The following AMOT variants were observed in gnomAD, a reference collection of about 807,000 sequenced individuals.
AMOT encodes the protein angiomotin.
AMOT carries 11 observed loss-of-function variants against 67.0 expected under a neutral mutation model. That is an observed-to-expected ratio of 0.16 (90% CI 0.10 to 0.27). The LOEUF (loss-of-function observed/expected upper bound fraction) is 0.27. Ranked by LOEUF, AMOT falls within the 10% of genes least tolerant of loss-of-function variation. The pLI, the probability that AMOT is intolerant of heterozygous loss-of-function variation, is 1.00. For synonymous variants in AMOT, 326 were observed against 321.4 expected (o/e 1.01, Z -0.15); for missense variants, 753 against 852.0 (o/e 0.88, Z 1.45).
chrX:112,783,502 G>C (rs1366187402), intron 10 of AMOT, among the ~76,000 whole-genome samples: 1 of 110,465 alleles, frequency 9.1e-6, no homozygotes, highest in Non-Finnish European at 1.9e-5. Context: ...CTAATAAATA[G>C]TGCCTTTGAG....
rs202085460 is a variant in AMOT at position 112,790,241 on chromosome X, C to T, written c.2117+351G>A. 2.1e-4 allele frequency among the ~76,000 whole-genome samples: 23 copies of T among 108,410 alleles called. No individual in the cohort carries two copies. In the East Asian group the frequency reaches 6.7e-3, roughly 32 times the overall value. The allele number at this position is 108,410 out of a possible 115,157, so 94.1% of individuals were successfully genotyped here. A position where few individuals can be genotyped will look rare whatever the true frequency, so the allele number is the denominator to read the frequency against. On this transcript the variant is annotated intron_variant, in intron 10 of 13. Transcript: ENST00000371959. The stretch of plus-strand genomic sequence containing the variant: ...CTGAGTGGTAGTTTCTCTGGAGGGG[C>T]TTTCACTCCGGTCCTGGGGCTAAAC...
At chrX:112,830,607 C>T (rs976285524) in intron 2 of AMOT, among the ~76,000 whole-genome samples, 5 of 112,155 alleles carry the variant, frequency 4.5e-5, no homozygotes, top group Middle Eastern at 4.2e-3. Flanking sequence ...CTCCCGCTCT[C>T]ATTTTTCCAC....
chrX:112,794,624 T>C (rs1933734119), intron 8 of AMOT, among the ~76,000 whole-genome samples: 2 of 112,183 alleles, frequency 1.8e-5, no homozygotes, highest in Non-Finnish European at 3.8e-5. Context: ...CTAGATCTTA[T>C]CTACGTGTAA....
chrX:112,781,979 C>T (rs1933195230), intron 11 of AMOT, among the ~76,000 whole-genome samples: 1 of 111,744 alleles, frequency 8.9e-6, no homozygotes, highest in African/African-American at 3.3e-5. Context: ...ACCTCTGCCT[C>T]CCAAGCTCAA....
chrX:112,829,488 G>C (rs1490705322), intron 2 of AMOT, among the ~76,000 whole-genome samples: 1 of 111,967 alleles, frequency 8.9e-6, no homozygotes, highest in African/African-American at 3.2e-5. Context: ...CTGCAGAACT[G>C]TGAGCCCATT....
At chrX:112,805,128 G>T (rs373470187) in intron 7 of AMOT, 36 bp from the exon 8 acceptor site, 5 of 1,207,182 alleles carry the variant, frequency 4.1e-6, no homozygotes, top group East Asian at 5.9e-5. Flanking sequence ...TGCCAGCCTG[G>T]AGCTAGCTCA....
chrX:112,820,773 C>T (rs893315647), intron 4 of AMOT, among the ~76,000 whole-genome samples: 37 of 111,409 alleles, frequency 3.3e-4, no homozygotes, highest in Admixed American at 5.7e-4. Flanking sequence ...CCAACCCCTC[C>T]CTGGGTCTTC....
At chrX:112,783,551 C>T (rs375695876) in intron 10 of AMOT, among the ~76,000 whole-genome samples, 16 of 111,417 alleles carry the variant, frequency 1.4e-4, no homozygotes, top group African/African-American at 5.2e-4. Context: ...ACATCTGAAA[C>T]ATTCTAGCAC....
intron 5 of AMOT, among the ~76,000 whole-genome samples, chrX:112,812,591 C>T (rs1379004641): frequency 8.9e-6 from 1 of 111,986 alleles, no homozygotes; most frequent in Non-Finnish European, 1.9e-5. Context: ...TAGTATAGCT[C>T]CATTGCACAT....
At chrX:112,787,816 A>T (rs1483090299) in intron 10 of AMOT, among the ~76,000 whole-genome samples, 1 of 111,943 alleles carries the variant, frequency 8.9e-6, no homozygotes, top group Non-Finnish European at 1.9e-5. Context: ...AACCAAGCAG[A>T]TCATTGAAAT....
At chrX:112,799,675 G>A (rs766259341) in intron 8 of AMOT, among the ~76,000 whole-genome samples, 10 of 111,752 alleles carry the variant, frequency 8.9e-5, no homozygotes, top group African/African-American at 2.9e-4. Context: ...TCTGTCCATT[G>A]CCAGTAGGCT....
At chrX:112,797,872 T>C (rs1278203840) in intron 8 of AMOT, among the ~76,000 whole-genome samples, 7 of 92,764 alleles carry the variant, frequency 7.5e-5, no homozygotes, top group African/African-American at 2.8e-4. Flanking sequence ...AGAAAAGAAA[T>C]AGAAAGAAAG....
chrX:112,808,972 T>C (rs1486715183), intron 7 of AMOT, among the ~76,000 whole-genome samples: 1 of 111,841 alleles, frequency 8.9e-6, no homozygotes, highest in East Asian at 2.8e-4. Flanking sequence ...GTATTGTAAG[T>C]GAAGATCAAA....
chrX:112,839,224 T>C (rs1185632356), intron 1 of AMOT, among the ~76,000 whole-genome samples: 1 of 112,447 alleles, frequency 8.9e-6, no homozygotes, highest in Admixed American at 9.4e-5. Context: ...ACTTGTCCAA[T>C]TGAAGATAGG....
At chrX:112,837,747 A>G (rs772135309) in intron 1 of AMOT, among the ~76,000 whole-genome samples, 2 of 111,884 alleles carry the variant, frequency 1.8e-5, no homozygotes, top group East Asian at 5.6e-4. Flanking sequence ...AAGTAAGACT[A>G]AAGACAACAC....
chrX:112,819,400 C>G, intron 4 of AMOT: 1 of 754,378 alleles, frequency 1.3e-6, no homozygotes. Context: ...CTGCAAATTC[C>G]TGATGGTTTC....
rs1315914176 is a variant in AMOT, at chrX:112,779,522, C to T, written c.2632G>A (p.Val878Ile). 5.0e-6 allele frequency: 6 copies of T among 1,211,375 alleles called. No homozygotes were observed. The highest frequency in any genetic ancestry group is 3.5e-5 in the South Asian group (2 of 56,896). ...GGAGCAGGAACAGAGATGGGAGCAA[C>T]AGCTGCAGTTTTGTTCGATTCCGTC... ...RGTESNKTAA[V>I]APISVPAPVA... is the part of the protein sequence containing the mutation. The change falls in exon 13 of 14, where the codon GTT becomes ATT. Residue 878 changes from valine (V) to isoleucine (I), a missense_variant. Coordinates refer to ENST00000371959, the MANE Select transcript of AMOT (RefSeq NM_001113490.2).
intron 10 of AMOT, among the ~76,000 whole-genome samples, chrX:112,789,323 C>T (rs757106515): frequency 2.7e-5 from 3 of 111,551 alleles, no homozygotes; most frequent in Non-Finnish European, 5.6e-5. Flanking sequence ...TCTGGCAGAG[C>T]TGGGGCTTCT....
chrX:112,808,049 T>C (rs1453972532), intron 7 of AMOT, among the ~76,000 whole-genome samples: 1 of 112,143 alleles, frequency 8.9e-6, no homozygotes, highest in Non-Finnish European at 1.9e-5. Context: ...GGTTAAGTGC[T>C]CTTCATCTGG....
Sources: allele counts gnomAD v4.1 joint callset (sites outside exome capture counted in the v4.1 genomes callset), GRCh38; gene constraint gnomAD v4.1.1; transcripts MANE v1.5; gene names NCBI Gene and HGNC (gene_info 2026-07-23, HGNC 2026-07-21).